The following GMPS variants were observed in gnomAD, a reference collection of about 807,000 sequenced individuals.
GMPS encodes GMP synthase [glutamine-hydrolyzing].
A neutral mutation model predicts 77.9 loss-of-function variants in GMPS; 15 were observed. That is an observed-to-expected ratio of 0.19 (90% CI 0.13 to 0.30). GMPS has a LOEUF of 0.30. GMPS is among the 10% of genes least tolerant of loss of function. The pLI is 1.00. For missense variants in GMPS, 590 were observed against 838.8 expected (o/e 0.70, Z 3.66); for synonymous variants, 224 against 275.9 (o/e 0.81, Z 1.86).
At position 155,942,268 on chromosome 3, in the gene GMPS, TTAG is replaced by T. The variant is rs1426893227; in HGVS notation, c.*4580_*4582del. The T allele has an allele frequency of 5.5e-6, 1 of 183,022 alleles. No individual in the cohort carries two copies. Among genetic ancestry groups the T allele is most frequent in the African/African-American group, 2.4e-5 (1 of 42,454 alleles). 11.3% of individuals were successfully genotyped at this position (183,022 alleles called of 1,614,324 possible). On this transcript the variant is annotated 3_prime_UTR_variant, in exon 16 of 16. Transcript: ENST00000496455. ...CGCCCGGCTAATTTTTTTGTACTTT[TTAG>T]TAGAGACAGGGTTTCACTGTGTTAT... is the stretch of plus-strand genomic sequence containing the variant.
chr3:155,896,990 A>G (rs545023607), intron 2 of GMPS, among the ~76,000 whole-genome samples: 2 of 152,218 alleles, frequency 1.3e-5, no homozygotes, highest in Non-Finnish European at 2.9e-5. Context: ...GGGCCTAAGT[A>G]TACCTTCATT....
intron 1 of GMPS, among the ~76,000 whole-genome samples, chr3:155,889,330 G>A (rs1259930009): frequency 1.3e-5 from 2 of 152,104 alleles, no homozygotes; most frequent in Admixed American, 1.3e-4. Flanking sequence ...TCTCTGACTG[G>A]TTAGTGTCAA....
intron 12 of GMPS, among the ~76,000 whole-genome samples, chr3:155,928,416 T>C (rs1755511855): frequency 1.3e-5 from 2 of 152,188 alleles, no homozygotes. Flanking sequence ...GGGCATTAGG[T>C]ACTTCTCTAA....
intron 1 of GMPS, among the ~76,000 whole-genome samples, chr3:155,874,993 C>G (rs12486189): frequency 0.043 from 6,419 of 148,754 alleles, 247 homozygotes; most frequent in East Asian, 0.18. Context: ...CTGCAATGTC[C>G]GCCTCCCTGG....
intron 13 of GMPS, among the ~76,000 whole-genome samples, chr3:155,932,112 ATTAT>A (rs1456856888): frequency 6.6e-6 from 1 of 152,202 alleles, no homozygotes; most frequent in African/African-American, 2.4e-5. Flanking sequence ...TCTGTTAAAA[ATTAT>A]TTAAAGGAGA....
chr3:155,933,485 A>G (rs1262260868), intron 13 of GMPS, among the ~76,000 whole-genome samples: 1 of 152,148 alleles, frequency 6.6e-6, no homozygotes, highest in African/African-American at 2.4e-5. Context: ...AAGATCTTTT[A>G]TGAACTTTAG....
chr3:155,919,174 T>C (rs1439503376), intron 9 of GMPS, 59 bp from the exon 10 acceptor site: 4 of 716,094 alleles, frequency 5.6e-6, no homozygotes, highest in South Asian at 3.5e-5. Flanking sequence ...TATTACGCTT[T>C]GTTTTCCATG....
At chr3:155,888,225 T>C (rs1016586888) in intron 1 of GMPS, among the ~76,000 whole-genome samples, 3 of 134,176 alleles carry the variant, frequency 2.2e-5, no homozygotes, top group African/African-American at 5.7e-5. Context: ...TTTTTTTTTT[T>C]AATCCAGTAA....
intron 4 of GMPS, 101 bp downstream of exon 4, chr3:155,904,061 T>C (rs1754803768): frequency 3.3e-6 from 2 of 599,798 alleles, no homozygotes; most frequent in South Asian, 2.4e-5. Flanking sequence ...ATAAACAAAA[T>C]TAAGGGTATA....
In GMPS at chr3:155,904,300, T is replaced by C. The variant is rs116633469; in HGVS notation, c.422+340T>C. On this transcript the variant is annotated intron_variant, in intron 4 of 15. Coordinates refer to ENST00000496455, the MANE Select transcript of GMPS (RefSeq NM_003875.3). ...GATTATTATTTTTCTTTTTCTTTTT[T>C]TTTTTTCGAGACGGAGTCTCCCTCT... is the stretch of plus-strand genomic sequence containing the variant. Among the ~76,000 whole-genome samples, 486 of 152,030 alleles carry C rather than the reference T, an allele frequency of 3.2e-3. 2 individuals are homozygous for C. The highest frequency in any genetic ancestry group is 0.011 in the African/African-American group (469 of 41,498).
At chr3:155,925,680 T>C (rs558771864) in intron 12 of GMPS, among the ~76,000 whole-genome samples, 2 of 152,208 alleles carry the variant, frequency 1.3e-5, no homozygotes, top group Non-Finnish European at 2.9e-5. Flanking sequence ...CTATGAACTC[T>C]AACCAAAGGT....
Position 155,925,169 on chromosome 3 carries a change from T to C in GMPS, c.1435-72T>C. 6.8e-6 allele frequency: 9 copies of C among 1,314,978 alleles called. No individual in the cohort carries two copies. In the South Asian group the frequency reaches 1.1e-4, roughly 16 times the overall value. The allele number at this position is 1,314,978 out of a possible 1,614,324, so 81.5% of individuals were successfully genotyped here. A position where few individuals can be genotyped will look rare whatever the true frequency, so the allele number is the denominator to read the frequency against. ...CTAAAAACCAGTAAAATACATAAGATAGTAGTAGATAATAAAAGAGTGAAT... is the reference window on the plus strand; with the variant it reads ...CTAAAAACCAGTAAAATACATAAGACAGTAGTAGATAATAAAAGAGTGAAT... On this transcript the variant is annotated intron_variant, in intron 11 of 15. Coordinates refer to ENST00000496455, the MANE Select transcript of GMPS (RefSeq NM_003875.3).
At chr3:155,891,561 C>T (rs940059292) in intron 1 of GMPS, among the ~76,000 whole-genome samples, 6 of 151,686 alleles carry the variant, frequency 4.0e-5, no homozygotes, top group Admixed American at 2.0e-4. Flanking sequence ...GGATTGGCTC[C>T]CTCTCACAAA....
At chr3:155,894,514 G>A (rs909736139) in intron 2 of GMPS, among the ~76,000 whole-genome samples, 12 of 151,998 alleles carry the variant, frequency 7.9e-5, no homozygotes, top group Admixed American at 1.3e-4. Flanking sequence ...GTGAGCCACC[G>A]TGCCCGGCCA....
intron 1 of GMPS, among the ~76,000 whole-genome samples, chr3:155,885,070 T>A (rs1754305176): frequency 6.6e-6 from 1 of 152,146 alleles, no homozygotes; most frequent in Admixed American, 6.5e-5. Context: ...ATAATTGAAT[T>A]TGAAACAATA....
intron 1 of GMPS, among the ~76,000 whole-genome samples, chr3:155,872,781 ATTAG>A (rs376606597): frequency 1.6e-4 from 25 of 152,348 alleles, no homozygotes; most frequent in Middle Eastern, 3.4e-3. Context: ...TATGTTAACA[ATTAG>A]TTGTGGACTG....
At chr3:155,875,855 G>A (rs756012421) in intron 1 of GMPS, among the ~76,000 whole-genome samples, 9 of 152,000 alleles carry the variant, frequency 5.9e-5, no homozygotes, top group Admixed American at 2.6e-4. Flanking sequence ...ATGGCTTCAG[G>A]TTCATGGTTT....
At position 155,922,242 on chromosome 3, in the gene GMPS, C is replaced by T; in HGVS notation, c.1374C>T (p.Asp458=). 7 of 1,569,820 alleles carry T rather than the reference C, an allele frequency of 4.5e-6. No homozygotes were observed. Among genetic ancestry groups the T allele is most frequent in the Non-Finnish European group, 6.0e-6 (7 of 1,158,288 alleles). Reference sequence around the variant, plus strand: ...CTGAAGAACCTTATATTTGTAAGGACTTTCCTGAAACCAACAATATTTTGA... The same window carrying T: ...CTGAAGAACCTTATATTTGTAAGGATTTTCCTGAAACCAACAATATTTTGA... The part of the protein sequence containing the change: ...ICAEEPYICK[D]FPETNNILKI... The change falls in exon 11 of 16, where the codon GAC becomes GAT. Residue 458 remains aspartate (D), a synonymous_variant. Coordinates refer to ENST00000496455, the MANE Select transcript of GMPS (RefSeq NM_003875.3).
chr3:155,931,619 C>CA lies in GMPS; in HGVS notation c.1561-141dup, dbSNP rs1577536193. ...AGTATATACTTTCATTCAAAATTTC[C>CA]AAAAATCCATTAATAATGTCACCAT... On this transcript the variant is annotated intron_variant, in intron 12 of 15. Transcript: ENST00000496455. 8.5e-6 allele frequency: 4 copies of CA among 470,212 alleles called. No individual in the cohort carries two copies. The East Asian group carries it at 1.5e-4, about 17-fold the overall frequency. 29.1% of individuals were successfully genotyped at this position (470,212 alleles called of 1,614,324 possible). A position where few individuals can be genotyped will look rare whatever the true frequency, so the allele number is the denominator to read the frequency against.
Sources: gnomAD v4.1 joint callset for allele counts (sites outside exome capture counted in the v4.1 genomes callset) on GRCh38, gnomAD v4.1.1 for gene constraint, MANE v1.5 for transcripts, NCBI Gene and HGNC (gene_info 2026-07-23, HGNC 2026-07-21) for gene names.